Variants in PDE4D observed in about 807,000 individuals in gnomAD.
PDE4D encodes the protein 3',5'-cyclic-AMP phosphodiesterase 4D.
A neutral mutation model predicts 87.4 loss-of-function variants in PDE4D; 24 were observed. That is an observed-to-expected ratio of 0.27 (90% CI 0.20 to 0.39). The LOEUF is 0.39. Ranked by LOEUF, PDE4D falls within the 10% of genes least tolerant of loss-of-function variation. The pLI is 1.00. For synonymous variants in PDE4D, 384 were observed against 383.2 expected (o/e 1.00, Z -0.02); for missense variants, 714 against 1,041.0 (o/e 0.69, Z 4.32).
chr5:59,746,089 A>G lies in PDE4D; in HGVS notation c.455+147079T>C, dbSNP rs1032074836. Among the ~76,000 whole-genome samples, 32 of 152,206 alleles carry G rather than the reference A, an allele frequency of 2.1e-4. 1 individual carries two copies. Among genetic ancestry groups the G allele is most frequent in the African/African-American group, 7.2e-4 (30 of 41,450 alleles). ...TAAACTGTTGTGACAAATGCAATAT[A>G]TATATTTTTTCAAAAATATTTTTCA... On this transcript the variant is annotated intron_variant, in intron 1 of 14. Transcript: ENST00000340635.
In PDE4D at chr5:59,988,310, G is replaced by A. The variant is rs770706725; in HGVS notation, c.272+178C>T. 9.7e-5 allele frequency: 47 copies of A among 483,140 alleles called. No homozygotes were observed. In the Middle Eastern group the frequency reaches 1.0e-3, roughly 11 times the overall value. The allele number at this position is 483,140 out of a possible 1,614,324, so 29.9% of individuals were successfully genotyped here. A position where few individuals can be genotyped will look rare whatever the true frequency, so the allele number is the denominator to read the frequency against. On this transcript the variant is annotated intron_variant, in intron 3 of 16. Transcript: ENST00000502484. ...CCATGTAAAACAATTTCACTAAAAT[G>A]TCTTCTCCTGCAGATATAGAAATGT...
intron 1 of PDE4D, among the ~76,000 whole-genome samples, chr5:60,301,310 A>G (rs1753869612): frequency 6.6e-6 from 1 of 152,180 alleles, no homozygotes; most frequent in African/African-American, 2.4e-5. Flanking sequence ...AGGCAGCATG[A>G]CCATTTTCAC....
intron 3 of PDE4D, among the ~76,000 whole-genome samples, chr5:59,944,698 A>G (rs540143687): frequency 6.6e-6 from 1 of 152,306 alleles, no homozygotes; most frequent in Admixed American, 6.5e-5. Flanking sequence ...TAAACAACCC[A>G]GTGCAATTCA....
intron 1 of PDE4D, among the ~76,000 whole-genome samples, chr5:59,752,738 A>G (rs1485024378): frequency 6.6e-6 from 1 of 152,286 alleles, no homozygotes; most frequent in East Asian, 1.9e-4. Context: ...ACCACAAAGC[A>G]TCATTCTGGC....
chr5:59,537,503 C>T (rs1406005965), intron 1 of PDE4D, among the ~76,000 whole-genome samples: 2 of 152,186 alleles, frequency 1.3e-5, no homozygotes, highest in Non-Finnish European at 2.9e-5. Flanking sequence ...ACTATCCTTG[C>T]TCTCTTTATT....
At chr5:60,458,981 G>GTGTGTGTGTGTGTGTGTGTGT (rs1746709811) in intron 1 of PDE4D, among the ~76,000 whole-genome samples, 1 of 147,098 alleles carries the variant, frequency 6.8e-6, no homozygotes, top group Non-Finnish European at 1.5e-5. Context: ...GTATAAGTTT[G>GTGTGTGTGTGTGTGTGTGTGT]TGTGTGTGTG....
At chr5:60,097,276 T>C (rs1434141095) in intron 2 of PDE4D, among the ~76,000 whole-genome samples, 1 of 151,844 alleles carries the variant, frequency 6.6e-6, no homozygotes, top group East Asian at 1.9e-4. Context: ...TGTGTGTGTG[T>C]GTGTGTGTGT....
chr5:59,924,001 G>A (rs1448313040), intron 3 of PDE4D, among the ~76,000 whole-genome samples: 5 of 152,128 alleles, frequency 3.3e-5, no homozygotes, highest in African/African-American at 1.2e-4. Context: ...AGAGAAAGAA[G>A]TCAGAATGCT....
intron 1 of PDE4D, among the ~76,000 whole-genome samples, chr5:59,777,155 C>A (rs549493869): frequency 6.6e-6 from 1 of 152,236 alleles, no homozygotes; most frequent in South Asian, 2.1e-4. Flanking sequence ...TGAACTGCAG[C>A]CAAACGGAAT....
intron 5 of PDE4D, among the ~76,000 whole-genome samples, chr5:59,093,326 T>C (rs930197811): frequency 5.9e-5 from 9 of 152,184 alleles, no homozygotes; most frequent in African/African-American, 1.9e-4. Context: ...AGCGGAGTCT[T>C]TCTTTTTTGG....
chr5:59,560,508 C>T (rs557668963), intron 1 of PDE4D, among the ~76,000 whole-genome samples: 1 of 152,186 alleles, frequency 6.6e-6, no homozygotes, highest in African/African-American at 2.4e-5. Flanking sequence ...TTGTTCTCCG[C>T]TATCTCTGCG....
At chr5:59,380,008 T>C (rs1785458149) in intron 1 of PDE4D, among the ~76,000 whole-genome samples, 1 of 152,120 alleles carries the variant, frequency 6.6e-6, no homozygotes, top group Non-Finnish European at 1.5e-5. Flanking sequence ...TTTGGAATCC[T>C]CAGTGTCTAC....
intron 1 of PDE4D, among the ~76,000 whole-genome samples, chr5:59,240,242 C>G (rs1056498868): frequency 6.6e-6 from 1 of 152,080 alleles, no homozygotes; most frequent in African/African-American, 2.4e-5. Flanking sequence ...TTTTATGTGA[C>G]AGTGACTTTG....
intron 5 of PDE4D, among the ~76,000 whole-genome samples, chr5:59,067,593 C>T (rs1343074132): frequency 6.6e-6 from 1 of 152,094 alleles, no homozygotes; most frequent in Non-Finnish European, 1.5e-5. Context: ...ATAAACCAAA[C>T]AGATCGGATT....
chr5:59,481,775 G>A (rs1022432722), intron 1 of PDE4D, among the ~76,000 whole-genome samples: 4 of 151,560 alleles, frequency 2.6e-5, no homozygotes, highest in African/African-American at 7.3e-5. Context: ...TCATCATCTG[G>A]CTCTTCTCAT....
chr5:59,921,931 G>A (rs1754713556), intron 3 of PDE4D, among the ~76,000 whole-genome samples: 1 of 152,172 alleles, frequency 6.6e-6, no homozygotes, highest in South Asian at 2.1e-4. Context: ...ATATATCAGT[G>A]AAAAAGGCAC....
intron 1 of PDE4D, among the ~76,000 whole-genome samples, chr5:60,432,125 GTTTT>G (rs1227101650): frequency 6.6e-6 from 1 of 152,038 alleles, no homozygotes; most frequent in East Asian, 1.9e-4. Context: ...GAGGGGATTA[GTTTT>G]TTTTATGTGC....
chr5:59,718,228 G>C (rs76289848), intron 1 of PDE4D, among the ~76,000 whole-genome samples: 1 of 152,010 alleles, frequency 6.6e-6, no homozygotes, highest in Admixed American at 6.6e-5. Flanking sequence ...TACTTATTTC[G>C]ATCCAATGAA....
intron 1 of PDE4D, among the ~76,000 whole-genome samples, chr5:59,684,056 T>C (rs888605354): frequency 6.6e-6 from 1 of 152,184 alleles, no homozygotes; most frequent in Non-Finnish European, 1.5e-5. Context: ...CTACAAACCT[T>C]TTCTATGCTC....
Sources: gnomAD v4.1 joint callset for allele counts (sites outside exome capture counted in the v4.1 genomes callset) on GRCh38, gnomAD v4.1.1 for gene constraint, MANE v1.5 for transcripts, NCBI Gene and HGNC (gene_info 2026-07-23, HGNC 2026-07-21) for gene names.